SLC16A10: variants seen among roughly 807,000 people sequenced by gnomAD.
The protein encoded by SLC16A10 is solute carrier family 16 member 10.
Under a neutral mutation model 40.0 loss-of-function variants are expected in SLC16A10, and 27 were observed. The ratio of observed to expected loss-of-function variants is 0.67; its 90% CI spans 0.50 to 0.93. The LOEUF (loss-of-function observed/expected upper bound fraction) is 0.93, where lower values mean the gene tolerates loss of function less well. SLC16A10 is among the 40% of genes least tolerant of loss of function. The pLI is 0.00. For synonymous variants in SLC16A10, 213 were observed against 249.8 expected (o/e 0.85, Z 1.39); for missense variants, 529 against 658.2 (o/e 0.80, Z 2.15).
chr6:111,114,319 T>G (rs1771446029), intron 1 of SLC16A10, among the ~76,000 whole-genome samples: 1 of 152,228 alleles, frequency 6.6e-6, no homozygotes, highest in African/African-American at 2.4e-5. Flanking sequence ...GACAAAGTTG[T>G]GAAATGTCTG....
intron 1 of SLC16A10, among the ~76,000 whole-genome samples, chr6:111,096,853 C>T (rs567074725): frequency 2.6e-4 from 40 of 152,038 alleles, no homozygotes; most frequent in Middle Eastern, 6.8e-3. Context: ...GGGTCTTGCT[C>T]TCTTGCTCAG....
intron 1 of SLC16A10, among the ~76,000 whole-genome samples, chr6:111,112,741 T>C (rs1771412906): frequency 6.6e-6 from 1 of 152,238 alleles, no homozygotes; most frequent in Non-Finnish European, 1.5e-5. Context: ...CAATTTTGCC[T>C]TGGAGGGTAT....
At chr6:111,218,231 G>C (rs757441822) in intron 4 of SLC16A10, among the ~76,000 whole-genome samples, 2 of 151,572 alleles carry the variant, frequency 1.3e-5, no homozygotes, top group Non-Finnish European at 2.9e-5. Flanking sequence ...TTTTTTTTTG[G>C]TACAGATTCT....
chr6:111,229,461 T>C lies in SLC16A10; in HGVS notation c.*7226T>C, dbSNP rs1445980908. ...AATGTTTCTAGCACAAAGTGAGGGA[T>C]TTAAATATATTCTGTAACTTTGAGG... On this transcript the variant is annotated 3_prime_UTR_variant, in exon 6 of 6. Coordinates refer to ENST00000368851, the MANE Select transcript of SLC16A10 (RefSeq NM_018593.5). 6.6e-6 allele frequency: 1 copy of C among 152,208 alleles called. No homozygotes were observed. Among genetic ancestry groups the C allele is most frequent in the Non-Finnish European group, 1.5e-5 (1 of 68,040 alleles). The allele number at this position is 152,208 out of a possible 1,614,324, so 9.4% of individuals were successfully genotyped here.
At chr6:111,166,926 C>G (rs1324945686) in intron 1 of SLC16A10, among the ~76,000 whole-genome samples, 2 of 152,174 alleles carry the variant, frequency 1.3e-5, no homozygotes, top group Non-Finnish European at 2.9e-5. Flanking sequence ...TCTCTGATGT[C>G]AAACATACAC....
At chr6:111,215,988 C>T (rs1297152552) in intron 4 of SLC16A10, among the ~76,000 whole-genome samples, 4 of 152,076 alleles carry the variant, frequency 2.6e-5, no homozygotes, top group African/African-American at 9.7e-5. Flanking sequence ...AAAGTGAGAC[C>T]TGTTTCAAAA....
In SLC16A10 at chr6:111,221,610, G is replaced by A. The variant is rs569265612; in HGVS notation, c.1316-393G>A. Among the ~76,000 whole-genome samples the A allele has an allele frequency of 3.3e-5, 5 of 152,012 alleles. No homozygotes were observed. In the South Asian group the frequency reaches 1.0e-3, roughly 32 times the overall value. On this transcript the variant is annotated intron_variant, in intron 5 of 5. Coordinates refer to ENST00000368851, the MANE Select transcript of SLC16A10 (RefSeq NM_018593.5). ...AAAATATAAAAATTAGCCAGGCATGGTAGCATGCACCTGTAGTCCCAGCTA... is the reference window on the plus strand; with the variant it reads ...AAAATATAAAAATTAGCCAGGCATGATAGCATGCACCTGTAGTCCCAGCTA...
chr6:111,196,217 G>A (rs1044210657), intron 3 of SLC16A10, among the ~76,000 whole-genome samples: 1 of 152,074 alleles, frequency 6.6e-6, no homozygotes, highest in East Asian at 1.9e-4. Flanking sequence ...GCTGCCTATA[G>A]TCCCAGCTAC....
intron 1 of SLC16A10, among the ~76,000 whole-genome samples, chr6:111,138,274 G>T (rs2114498808): frequency 6.6e-6 from 1 of 152,334 alleles, no homozygotes; most frequent in African/African-American, 2.4e-5. Flanking sequence ...AGTTAGGATG[G>T]CAGGCATGTG....
intron 3 of SLC16A10, among the ~76,000 whole-genome samples, chr6:111,191,361 A>T: frequency 6.6e-6 from 1 of 152,060 alleles, no homozygotes; most frequent in South Asian, 2.1e-4. Flanking sequence ...ATCCTTTTTT[A>T]TGGCTGCATA....
chr6:111,154,714 C>T (rs62421928), intron 1 of SLC16A10, among the ~76,000 whole-genome samples: 14,876 of 152,048 alleles, frequency 0.098, 864 homozygotes, highest in Non-Finnish European at 0.14. Context: ...ATTCTGAGGC[C>T]GGGAGCAGTG....
At chr6:111,095,398 T>C (rs1403299209) in intron 1 of SLC16A10, among the ~76,000 whole-genome samples, 2 of 152,190 alleles carry the variant, frequency 1.3e-5, no homozygotes, top group African/African-American at 2.4e-5. Flanking sequence ...ATATTGGGGG[T>C]AGCTACATTT....
At chr6:111,128,645 T>C (rs532105715) in intron 1 of SLC16A10, among the ~76,000 whole-genome samples, 1 of 152,276 alleles carries the variant, frequency 6.6e-6, no homozygotes, top group Admixed American at 6.5e-5. Flanking sequence ...AGGCTTTTTA[T>C]TGAGGAGAGA....
intron 1 of SLC16A10, among the ~76,000 whole-genome samples, chr6:111,094,921 G>T (rs557755212): frequency 2.2e-4 from 33 of 152,294 alleles, no homozygotes; most frequent in Middle Eastern, 6.8e-3. Context: ...GACTACAGGC[G>T]GGACCTACTG....
chr6:111,108,675 AAC>A (rs1318831491), intron 1 of SLC16A10, among the ~76,000 whole-genome samples: 2 of 152,188 alleles, frequency 1.3e-5, no homozygotes, highest in East Asian at 3.8e-4. Flanking sequence ...CAGTGTCTGA[AAC>A]ACAGACCAGT....
intron 1 of SLC16A10, among the ~76,000 whole-genome samples, chr6:111,131,052 G>A (rs992120500): frequency 5.3e-5 from 8 of 152,216 alleles, no homozygotes; most frequent in Non-Finnish European, 1.2e-4. Flanking sequence ...CTTTGTATGG[G>A]AGCTCTGTTT....
At chr6:111,179,429 A>G (rs905689856) in intron 3 of SLC16A10, among the ~76,000 whole-genome samples, 7 of 152,236 alleles carry the variant, frequency 4.6e-5, no homozygotes, top group Non-Finnish European at 8.8e-5. Context: ...ACAGCAGAGC[A>G]GGAGTTAGTT....
chr6:111,110,635 G>T (rs111252483), intron 1 of SLC16A10, among the ~76,000 whole-genome samples: 7 of 152,256 alleles, frequency 4.6e-5, no homozygotes, highest in African/African-American at 1.7e-4. Context: ...GCAGCAGATT[G>T]GAAGAGAATG....
At chr6:111,172,624 A>T in intron 1 of SLC16A10, 71 bp from the exon 2 acceptor site, 1 of 1,552,330 alleles carries the variant, frequency 6.4e-7, no homozygotes, top group Non-Finnish European at 8.8e-7. Flanking sequence ...AATGTGTATT[A>T]TATCAATGGA....
Sources: allele counts gnomAD v4.1 joint callset (sites outside exome capture counted in the v4.1 genomes callset), GRCh38; gene constraint gnomAD v4.1.1; transcripts MANE v1.5; gene names NCBI Gene and HGNC (gene_info 2026-07-23, HGNC 2026-07-21).